The following REPIN1 variants were observed in gnomAD, a reference collection of about 807,000 sequenced individuals.
REPIN1 encodes the protein DNA-binding protein REPIN1.
REPIN1 carries 4 observed loss-of-function variants against 5.7 expected under a neutral mutation model. The observed-to-expected ratio is 0.71, with a 90% confidence interval of 0.35 to 1.62. The LOEUF is 1.62. Among genes scored for constraint, REPIN1 ranks in the 40% most tolerant of loss-of-function variants. REPIN1 has a pLI of 0.05. For synonymous variants in REPIN1, 410 were observed against 386.2 expected, an observed-to-expected ratio of 1.06 and a Z score of -0.72; for missense variants, 854 against 901.0, an observed-to-expected ratio of 0.95 and a Z score of 0.67.
Position 150,372,341 on chromosome 7 carries a change from C to A in REPIN1, c.1271C>A (p.Pro424Gln), listed in dbSNP as rs1485052560. 1 of 1,517,010 alleles carries A rather than the reference C, an allele frequency of 6.6e-7. No individual in the cohort carries two copies. The allele number at this position is 1,517,010 out of a possible 1,614,324, so 94.0% of individuals were successfully genotyped here. A position where few individuals can be genotyped will look rare whatever the true frequency, so the allele number is the denominator to read the frequency against. The change falls in exon 3 of 3, where the codon CCG becomes CAG. Residue 424 changes from proline to glutamine, a missense_variant. Pro to Gln is a moderately conservative substitution (Grantham distance 76). Around this residue, in one of 5 missense-constraint regions of REPIN1, gnomAD observed 327 missense variants for 307.8 expected, o/e 1.06. Coordinates refer to ENST00000489432, the MANE Select transcript of REPIN1 (RefSeq NM_001099695.2). ...PGAPPEHPQDPIEAPPSLYSC... is the reference protein window; with the variant it reads ...PGAPPEHPQDQIEAPPSLYSC... ...GCCCCGCCAGAGCACCCGCAGGACC[C>A]GATCGAAGCCCCCCCCTCCCTCTAC... is the stretch of plus-strand genomic sequence containing the variant.
In REPIN1 at chr7:150,373,568, A is replaced by ATACG; in HGVS notation, c.*623_*624insTACG. ...ACTTCCATCCTCTTCCTTCCCAAAGAGCAGATCCCAAGGCATTTACTCCTT... is the reference window on the plus strand; with the variant it reads ...ACTTCCATCCTCTTCCTTCCCAAAGATACGGCAGATCCCAAGGCATTTACTCCTT... On this transcript the variant is annotated 3_prime_UTR_variant, in exon 3 of 3. Transcript: ENST00000489432. The ATACG allele has an allele frequency of 1.8e-5, 3 of 169,274 alleles. No individual in the cohort carries two copies. Among genetic ancestry groups the ATACG allele is most frequent in the Admixed American group, 6.4e-5 (1 of 15,736 alleles). The allele number at this position is 169,274 out of a possible 1,614,324, so 10.5% of individuals were successfully genotyped here. A position where few individuals can be genotyped will look rare whatever the true frequency, so the allele number is the denominator to read the frequency against.
In REPIN1 at chr7:150,373,125, G is replaced by A. The variant is rs1800059697; in HGVS notation, c.*180G>A. On this transcript the variant is annotated 3_prime_UTR_variant, in exon 3 of 3. Transcript: ENST00000489432. ...CTAGCGAGAGAGGTCAACCCCGGTGGCCAGGGAACCCACTTCCAAGCGCAG... is the reference window on the plus strand; with the variant it reads ...CTAGCGAGAGAGGTCAACCCCGGTGACCAGGGAACCCACTTCCAAGCGCAG... The A allele has an allele frequency of 1.1e-6, 1 of 905,234 alleles. No homozygotes were observed. Among genetic ancestry groups the A allele is most frequent in the Non-Finnish European group, 1.7e-6 (1 of 603,088 alleles). The allele number at this position is 905,234 out of a possible 1,614,324, so 56.1% of individuals were successfully genotyped here. A position where few individuals can be genotyped will look rare whatever the true frequency, so the allele number is the denominator to read the frequency against.
rs543499623 is a variant in REPIN1, at chr7:150,371,097, G to A, written c.158-131G>A. The A allele has an allele frequency of 1.1e-5, 11 of 972,216 alleles. No homozygotes were observed. In the South Asian group the frequency reaches 1.7e-4, roughly 15 times the overall value. The allele number at this position is 972,216 out of a possible 1,614,324, so 60.2% of individuals were successfully genotyped here. A position where few individuals can be genotyped will look rare whatever the true frequency, so the allele number is the denominator to read the frequency against. ...ACATACCACACAAGGAAACAGGAGA[G>A]TAGTCTAGCTCCATGTCCGGGGCTC... On this transcript the variant is annotated intron_variant, in intron 2 of 2. Transcript: ENST00000489432.
At position 150,372,312 on chromosome 7, in the gene REPIN1, AG is replaced by A; in HGVS notation, c.1246del (p.Ala416ProfsTer256). 1.5e-6 allele frequency: 2 copies of A among 1,333,784 alleles called. No homozygotes were observed. The highest frequency in any genetic ancestry group is 1.7e-5 in the South Asian group (1 of 57,178). The allele number at this position is 1,333,784 out of a possible 1,614,324, so 82.6% of individuals were successfully genotyped here. ...PLKPAQEPPP[G>X]APPEHPQDPI... ...TGAAACCGGCCCAGGAGCCGCCGCC[AG>A]GGGCCCCGCCAGAGCACCCGCAGGA... is the stretch of plus-strand genomic sequence containing the variant. On this transcript the variant is annotated frameshift_variant, in exon 3 of 3. Coordinates refer to ENST00000489432, the MANE Select transcript of REPIN1 (RefSeq NM_001099695.2). LOFTEE classifies it low-confidence loss of function (END_TRUNC).
chr7:150,372,906 G>C lies in REPIN1; in HGVS notation c.1836G>C (p.Glu612Asp). The C allele has an allele frequency of 6.2e-7, 1 of 1,613,434 alleles. No homozygotes were observed. ...TCTGTGGCCAGACCTTCGACGACGAGGAGAGACTCCTGGCCCACCAGAAGA... is the reference window on the plus strand; with the variant it reads ...TCTGTGGCCAGACCTTCGACGACGACGAGAGACTCCTGGCCCACCAGAAGA... The part of the protein sequence containing the change: ...CAICGQTFDD[E>D]ERLLAHQKKH... Residue 612 changes from glutamate to aspartate, a missense_variant, in exon 3 of 3, where the codon GAG becomes GAC. Physicochemically the swap from Glu to Asp is conservative, Grantham distance 45 (BLOSUM62 2). Transcript: ENST00000489432.
chr7:150,368,682 G>T (rs1312737019), upstream of REPIN1: 3 of 221,212 alleles, frequency 1.4e-5, no homozygotes, highest in Admixed American at 5.7e-5. Context: ...CGCTCTTGGC[G>T]GGGGCGCCCG....
In REPIN1 at chr7:150,368,954, C is replaced by G. The variant is rs1355987314; in HGVS notation, c.-42+13C>G. Reference sequence around the variant, plus strand: ...GCCCGCCGCAGAGGTACGGCCGGGGCAGGGGCGCGGGGCCACCGCGGGCCC... The same window carrying G: ...GCCCGCCGCAGAGGTACGGCCGGGGGAGGGGCGCGGGGCCACCGCGGGCCC... On this transcript the variant is annotated intron_variant, in intron 1 of 2. Coordinates refer to ENST00000489432, the MANE Select transcript of REPIN1 (RefSeq NM_001099695.2). 5.4e-6 allele frequency: 2 copies of G among 373,106 alleles called. No individual in the cohort carries two copies. Among genetic ancestry groups the G allele is most frequent in the Non-Finnish European group, 9.5e-6 (2 of 210,586 alleles). The allele number at this position is 373,106 out of a possible 1,614,324, so 23.1% of individuals were successfully genotyped here.
upstream of REPIN1, chr7:150,368,816 C>G: frequency 3.2e-6 from 1 of 308,714 alleles, no homozygotes; most frequent in Admixed American, 5.0e-5. Context: ...TGGGGACGGG[C>G]CTGGCAGTTG....
upstream of REPIN1, chr7:150,368,759 G>A (rs1799103103): frequency 3.6e-6 from 1 of 277,764 alleles, no homozygotes; most frequent in African/African-American, 2.2e-5. Flanking sequence ...ACTGACCCTC[G>A]GCAGCTCCTG....
chr7:150,373,803 A>G lies in REPIN1; in HGVS notation c.*858A>G, dbSNP rs1043837892. ...GAGTTTCCTTTTCTCCATTTCTAGC[A>G]TATGGACACCTGGCCTCTGCTTGAG... On this transcript the variant is annotated 3_prime_UTR_variant, in exon 3 of 3. Transcript: ENST00000489432. 2 of 167,074 alleles carry G rather than the reference A, an allele frequency of 1.2e-5. No individual in the cohort carries two copies. Among genetic ancestry groups the G allele is most frequent in the Non-Finnish European group, 2.9e-5 (2 of 68,126 alleles). 10.3% of individuals were successfully genotyped at this position (167,074 alleles called of 1,614,324 possible). A position where few individuals can be genotyped will look rare whatever the true frequency, so the allele number is the denominator to read the frequency against.
chr7:150,369,620 G>A, intron 1 of REPIN1, 51 bp from the exon 2 acceptor site: 1 of 1,545,650 alleles, frequency 6.5e-7, no homozygotes, highest in Non-Finnish European at 8.8e-7. Flanking sequence ...AAAGCTGACT[G>A]CCCTAGAGGA....
rs748195328 is a variant in REPIN1, at chr7:150,372,602, C to T, written c.1532C>T (p.Ala511Val). 8.7e-6 allele frequency: 14 copies of T among 1,607,194 alleles called. No individual in the cohort carries two copies. The highest frequency in any genetic ancestry group is 1.7e-5 in the Admixed American group (1 of 59,856). ...SHLAAHRRDH[A>V]PDRPFVCPDC... ...CTGGCGGCGCATCGGCGCGACCACGCCCCCGATCGGCCCTTCGTGTGTCCC... is the reference window on the plus strand; with the variant it reads ...CTGGCGGCGCATCGGCGCGACCACGTCCCCGATCGGCCCTTCGTGTGTCCC... Residue 511 changes from alanine to valine, a missense_variant, in exon 3 of 3, where the codon GCC (alanine) becomes GTC (valine). Physicochemically the swap from Ala to Val is moderately conservative, Grantham distance 64. This residue lies in a region of REPIN1 where 327 missense variants were observed against 307.8 expected (regional missense o/e 1.06). Coordinates refer to ENST00000489432, the MANE Select transcript of REPIN1 (RefSeq NM_001099695.2).
At position 150,372,368 on chromosome 7, in the gene REPIN1, G is replaced by T; in HGVS notation, c.1298G>T (p.Ser433Ile). 6.7e-7 allele frequency: 1 copy of T among 1,496,082 alleles called. No individual in the cohort carries two copies. 92.7% of individuals were successfully genotyped at this position (1,496,082 alleles called of 1,614,324 possible). Residue 433 changes from serine (S) to isoleucine (I), a missense_variant, in exon 3 of 3, where the codon AGC (serine) becomes ATC (isoleucine). Transcript: ENST00000489432. ...DPIEAPPSLYSCDDCGRSFRL... is the reference protein window; with the variant it reads ...DPIEAPPSLYICDDCGRSFRL... ...ATCGAAGCCCCCCCCTCCCTCTACAGCTGCGACGACTGCGGCAGGAGCTTC... is the reference window on the plus strand; with the variant it reads ...ATCGAAGCCCCCCCCTCCCTCTACATCTGCGACGACTGCGGCAGGAGCTTC...
At chr7:150,368,359 T>C (rs891924325), upstream of REPIN1, 1 of 150,894 alleles carries the variant, frequency 6.6e-6, no homozygotes, top group East Asian at 2.0e-4. Flanking sequence ...GCCGCAAGCG[T>C]CCGCACTGCG....
rs2129620294 is a variant in REPIN1, at chr7:150,372,399, G to T, written c.1329G>T (p.Leu443=). ...SCDDCGRSFR[L]ERFLRAHQRQ... ...ACGACTGCGGCAGGAGCTTCCGGCTGGAGCGCTTCCTGCGGGCCCACCAGC... is the reference window on the plus strand; with the variant it reads ...ACGACTGCGGCAGGAGCTTCCGGCTTGAGCGCTTCCTGCGGGCCCACCAGC... The change falls in exon 3 of 3, where the codon CTG becomes CTT. Residue 443 remains leucine (L), a synonymous_variant. Coordinates refer to ENST00000489432, the MANE Select transcript of REPIN1 (RefSeq NM_001099695.2). 1 of 1,486,896 alleles carries T rather than the reference G, an allele frequency of 6.7e-7. No individual in the cohort carries two copies. The allele number at this position is 1,486,896 out of a possible 1,614,324, so 92.1% of individuals were successfully genotyped here.
In REPIN1 at chr7:150,371,457, G is replaced by C. The variant is rs755454530; in HGVS notation, c.387G>C (p.Leu129=). The C allele has an allele frequency of 6.2e-7, 1 of 1,605,780 alleles. No homozygotes were observed. Among genetic ancestry groups the C allele is most frequent in the Non-Finnish European group, 8.5e-7 (1 of 1,178,704 alleles). ...CRRHFPGWVA[L]WLHTRRCQAR... ...GGCACTTCCCTGGCTGGGTGGCTCT[G>C]TGGCTTCACACCCGCCGGTGCCAGG... Residue 129 remains leucine (L), a synonymous_variant, in exon 3 of 3, where the codon CTG becomes CTC. Coordinates refer to ENST00000489432, the MANE Select transcript of REPIN1 (RefSeq NM_001099695.2).
chr7:150,372,660 C>G lies in REPIN1; in HGVS notation c.1590C>G (p.Tyr530Ter), dbSNP rs1799982302. The G allele has an allele frequency of 6.2e-7, 1 of 1,611,750 alleles. No individual in the cohort carries two copies. The highest frequency in any genetic ancestry group is 8.5e-7 in the Non-Finnish European group (1 of 1,179,642). Residue 530 changes from tyrosine (Y) to a stop codon, truncating the protein, a stop_gained, in exon 3 of 3, where the codon TAC (tyrosine) becomes TAG (stop). Transcript: ENST00000489432. LOFTEE classifies it low-confidence loss of function (END_TRUNC). Reference protein sequence around the residue: ...DCGKAFRHKPYLAAHRRIHTG... With the variant: ...DCGKAFRHKP ...GCAAGGCCTTCCGCCACAAACCCTA[C>G]CTGGCGGCGCACCGGCGCATCCACA... is the stretch of plus-strand genomic sequence containing the variant.
chr7:150,369,960 A>C, intron 2 of REPIN1, 92 bp downstream of exon 2: 4 of 1,450,982 alleles, frequency 2.8e-6, no homozygotes, highest in Non-Finnish European at 3.7e-6. Flanking sequence ...GCCCTTTCTC[A>C]TATCCTGGGG....
At chr7:150,371,126 G>A (rs1308327121) in intron 2 of REPIN1, 102 bp from the exon 3 acceptor site, 1 of 1,327,914 alleles carries the variant, frequency 7.5e-7, no homozygotes. Context: ...GGGGCTCTAG[G>A]GGTTCATAGA....
Sources: allele counts gnomAD v4.1 joint callset, GRCh38; gene constraint gnomAD v4.1.1; regional missense constraint gnomAD v4.1.1; transcripts MANE v1.5; gene names NCBI Gene and HGNC (gene_info 2026-07-23, HGNC 2026-07-21).